WDFY3: variants seen among roughly 807,000 people sequenced by gnomAD.
The protein encoded by WDFY3 is WD repeat and FYVE domain-containing protein 3.
WDFY3 carries 66 observed loss-of-function variants against 409.6 expected under a neutral mutation model. The ratio of observed to expected loss-of-function variants is 0.16; its 90% CI spans 0.13 to 0.20. The LOEUF (loss-of-function observed/expected upper bound fraction) is 0.20, where lower values mean the gene tolerates loss of function less well. WDFY3 is among the 10% of genes least tolerant of loss of function. WDFY3 has a pLI of 1.00. For synonymous variants in WDFY3, 1,521 were observed against 1,537.1 expected (o/e 0.99, Z 0.25); for missense variants, 3,031 against 4,298.1 (o/e 0.71, Z 8.24).
intron 2 of WDFY3, among the ~76,000 whole-genome samples, chr4:84,904,270 C>T (rs1472027180): frequency 2.0e-5 from 3 of 152,090 alleles, no homozygotes; most frequent in African/African-American, 4.8e-5. Context: ...GACGGAGTTT[C>T]GCTCTTGTTG....
At chr4:84,859,994 T>G (rs1760366740) in intron 4 of WDFY3, among the ~76,000 whole-genome samples, 1 of 152,228 alleles carries the variant, frequency 6.6e-6, no homozygotes, top group African/African-American at 2.4e-5. Context: ...TTACAGCATC[T>G]CTTAAACAAC....
intron 13 of WDFY3, among the ~76,000 whole-genome samples, chr4:84,813,558 C>T (rs1752830859): frequency 6.6e-6 from 1 of 152,120 alleles, no homozygotes; most frequent in Non-Finnish European, 1.5e-5. Context: ...CATTAGTTGA[C>T]TGAATAGGCC....
chr4:84,914,990 C>T (rs1768286761), intron 2 of WDFY3, among the ~76,000 whole-genome samples: 1 of 152,080 alleles, frequency 6.6e-6, no homozygotes, highest in Admixed American at 6.6e-5. Flanking sequence ...GATTATTCTT[C>T]CATAATAGAA....
chr4:84,889,330 A>G (rs1764637762), intron 3 of WDFY3, among the ~76,000 whole-genome samples: 1 of 152,208 alleles, frequency 6.6e-6, no homozygotes, highest in African/African-American at 2.4e-5. Context: ...TGTGCATGAT[A>G]TTACACATCT....
At chr4:84,780,358 T>C (rs571275854) in intron 25 of WDFY3, 60 bp from the exon 26 acceptor site, 14 of 1,446,114 alleles carry the variant, frequency 9.7e-6, no homozygotes, top group South Asian at 3.0e-5. Flanking sequence ...AAGAACTGTA[T>C]ACATCATCTT....
chr4:84,819,966 T>A lies in WDFY3; in HGVS notation c.1693+119A>T, dbSNP rs1294820720. ...ATTTTTAGGGACATGACGGGTACCA[T>A]CACTGAATCAATAGTTTTTTCTCTA... On this transcript the variant is annotated intron_variant, in intron 12 of 67. Coordinates refer to ENST00000295888, the MANE Select transcript of WDFY3 (RefSeq NM_014991.6). 7.0e-6 allele frequency: 6 copies of A among 854,746 alleles called. No individual in the cohort carries two copies. In the Admixed American group the frequency reaches 1.1e-4, roughly 15 times the overall value. 52.9% of individuals were successfully genotyped at this position (854,746 alleles called of 1,614,324 possible). A position where few individuals can be genotyped will look rare whatever the true frequency, so the allele number is the denominator to read the frequency against.
intron 3 of WDFY3, among the ~76,000 whole-genome samples, chr4:84,893,666 A>G (rs1469006648): frequency 6.6e-6 from 1 of 152,154 alleles, no homozygotes; most frequent in Non-Finnish European, 1.5e-5. Flanking sequence ...ATTCTAGACT[A>G]CCAACATCTA....
intron 6 of WDFY3, among the ~76,000 whole-genome samples, chr4:84,840,860 T>C (rs1304394564): frequency 6.6e-6 from 1 of 151,794 alleles, no homozygotes; most frequent in Non-Finnish European, 1.5e-5. Flanking sequence ...CAATTACAGG[T>C]GTGAGCCTCT....
chr4:84,703,879 C>T (rs551171676), intron 55 of WDFY3, among the ~76,000 whole-genome samples: 1 of 152,314 alleles, frequency 6.6e-6, no homozygotes, highest in South Asian at 2.1e-4. Context: ...AACTGAATTA[C>T]ATAAACTGCA....
At chr4:84,936,790 A>G (rs1218327168) in intron 1 of WDFY3, among the ~76,000 whole-genome samples, 5 of 152,060 alleles carry the variant, frequency 3.3e-5, no homozygotes, top group African/African-American at 4.8e-5. Flanking sequence ...AACTTCCAGA[A>G]TCTCTCATGA....
At chr4:84,678,741 C>T (rs902063209) in intron 65 of WDFY3, among the ~76,000 whole-genome samples, 178 bp downstream of exon 65, 1 of 152,222 alleles carries the variant, frequency 6.6e-6, no homozygotes. Flanking sequence ...TTTAAGTCCA[C>T]TTTACACTAG....
intron 66 of WDFY3, among the ~76,000 whole-genome samples, chr4:84,677,819 C>T (rs905123430): frequency 2.6e-5 from 4 of 151,446 alleles, no homozygotes; most frequent in Admixed American, 6.6e-5. Context: ...AAAAATTAGC[C>T]GGGTGTGATG....
chr4:84,893,568 A>G (rs1765210481), intron 3 of WDFY3, among the ~76,000 whole-genome samples: 1 of 152,268 alleles, frequency 6.6e-6, no homozygotes, highest in Non-Finnish European at 1.5e-5. Flanking sequence ...TGATAAATTT[A>G]GAGTAGGTAC....
At chr4:84,677,069 A>G (rs560074240) in intron 67 of WDFY3, 130 bp downstream of exon 67, 2 of 1,024,534 alleles carry the variant, frequency 2.0e-6, no homozygotes, top group East Asian at 5.5e-5. Context: ...GAAAAAGTGA[A>G]GACTGGTTCA....
At chr4:84,705,616 A>G (rs1731799888) in intron 53 of WDFY3, 105 bp from the exon 54 acceptor site, 1 of 906,142 alleles carries the variant, frequency 1.1e-6, no homozygotes, top group Admixed American at 1.9e-5. Context: ...TAAACGCACT[A>G]GTATCTGTGG....
At chr4:84,926,083 G>A (rs981426596) in intron 2 of WDFY3, among the ~76,000 whole-genome samples, 3 of 146,910 alleles carry the variant, frequency 2.0e-5, no homozygotes, top group South Asian at 2.2e-4. Context: ...GCGTGATGTC[G>A]GCTCACTACA....
At chr4:84,809,255 A>AT (rs1752070680) in intron 14 of WDFY3, 1 of 152,264 alleles carries the variant, frequency 6.6e-6, no homozygotes, top group South Asian at 2.1e-4. Flanking sequence ...GTAATTGTTT[A>AT]TTTATGTGTC....
intron 62 of WDFY3, among the ~76,000 whole-genome samples, chr4:84,684,969 G>C (rs1008100397): frequency 6.6e-6 from 1 of 152,178 alleles, no homozygotes; most frequent in African/African-American, 2.4e-5. Flanking sequence ...ATTATCACTA[G>C]CCCTGCTGTA....
chr4:84,937,571 C>G (rs1473176833), intron 1 of WDFY3, among the ~76,000 whole-genome samples: 2 of 152,130 alleles, frequency 1.3e-5, no homozygotes, highest in Non-Finnish European at 2.9e-5. Flanking sequence ...AACTTCTACC[C>G]TTGTCCTATT....
Sources: gnomAD v4.1 joint callset for allele counts (sites outside exome capture counted in the v4.1 genomes callset) on GRCh38, gnomAD v4.1.1 for gene constraint, MANE v1.5 for transcripts, NCBI Gene and HGNC (gene_info 2026-07-23, HGNC 2026-07-21) for gene names.